Variants in ZMYM2 observed in about 807,000 individuals in gnomAD.
The protein encoded by ZMYM2 is zinc finger MYM-type containing 2.
ZMYM2 carries 56 observed loss-of-function variants against 162.8 expected under a neutral mutation model. The observed-to-expected ratio is 0.34, with a 90% CI of 0.28 to 0.43. The LOEUF is 0.43. ZMYM2 is among the 20% of genes least tolerant of loss of function. The pLI, the probability that ZMYM2 is intolerant of heterozygous loss-of-function variation, is 1.00. For synonymous variants in ZMYM2, 510 were observed against 541.6 expected, an observed-to-expected ratio of 0.94 and a Z score of 0.81; for missense variants, 1,275 against 1,621.8, an observed-to-expected ratio of 0.79 and a Z score of 3.67.
In ZMYM2 at chr13:19,993,547, A is replaced by G; in HGVS notation, c.475A>G (p.Ser159Gly). Reference sequence around the variant, plus strand: ...CAATGATGTGGATTTCTCCACTTCCAGTTTTTCAAGAAGTAAGGTAAATGC... The same window carrying G: ...CAATGATGTGGATTTCTCCACTTCCGGTTTTTCAAGAAGTAAGGTAAATGC... Reference protein sequence around the residue: ...RTNDVDFSTSSFSRSKVNAGM... With the variant: ...RTNDVDFSTSGFSRSKVNAGM... The change falls in exon 3 of 25, where the codon AGT (serine) becomes GGT (glycine). Residue 159 changes from serine to glycine, a missense_variant. Ser to Gly is a moderately conservative substitution (Grantham distance 56). This residue lies in a region of ZMYM2 where 295 missense variants were observed against 286.7 expected (regional missense o/e 1.03). Transcript: ENST00000610343. The G allele has an allele frequency of 6.2e-7, 1 of 1,614,026 alleles. No homozygotes were observed. The highest frequency in any genetic ancestry group is 8.5e-7 in the Non-Finnish European group (1 of 1,179,964).
At chr13:19,951,106 G>T in the ZMYM2 span, among the ~76,000 whole-genome samples, 1 of 152,130 alleles carries the variant, frequency 6.6e-6, no homozygotes, top group Non-Finnish European at 1.5e-5. Flanking sequence ...TCCAGTGTGG[G>T]CCAGGGAAGC....
At chr13:19,965,070 A>G in intron 2 of ZMYM2, 1 of 322,946 alleles carries the variant, frequency 3.1e-6, no homozygotes, top group Non-Finnish European at 5.2e-6. Flanking sequence ...CATGTACCCT[A>G]AAACTTAAAG....
the ZMYM2 span, among the ~76,000 whole-genome samples, chr13:19,940,390 C>A: frequency 6.6e-6 from 1 of 152,172 alleles, no homozygotes; most frequent in Admixed American, 6.5e-5. Context: ...ACAGTTAATT[C>A]AGAGTCTATT....
In ZMYM2 at chr13:20,076,847, T is replaced by C. The variant is rs375511026; in HGVS notation, c.3454-5169T>C. Among the ~76,000 whole-genome samples the C allele has an allele frequency of 1.2e-3, 174 of 150,208 alleles. 2 individuals are homozygous for C. The Middle Eastern group carries it at 0.017, about 15-fold the overall frequency. On this transcript the variant is annotated intron_variant, in intron 21 of 24. Transcript: ENST00000610343. ...AAGATTTATTTTTTATTTTATTTTA[T>C]TTTTTTTGAGACGGAGTTTCACTCT...
At chr13:19,880,973 C>G in the ZMYM2 span, among the ~76,000 whole-genome samples, 1 of 151,718 alleles carries the variant, frequency 6.6e-6, no homozygotes, top group Non-Finnish European at 1.5e-5. Context: ...ACTGCAACGT[C>G]CACCTCCCAG....
chr13:19,884,196 C>T, the ZMYM2 span, among the ~76,000 whole-genome samples: 1 of 152,042 alleles, frequency 6.6e-6, no homozygotes, highest in Non-Finnish European at 1.5e-5. Flanking sequence ...ACCGAGATCC[C>T]CAGCTCTCAA....
the ZMYM2 span, among the ~76,000 whole-genome samples, chr13:19,919,475 G>C: frequency 6.6e-6 from 1 of 152,038 alleles, no homozygotes; most frequent in African/African-American, 2.4e-5. Context: ...CAATAAATGA[G>C]AGATCTATTT....
the ZMYM2 span, among the ~76,000 whole-genome samples, chr13:19,926,223 AG>A: frequency 6.6e-6 from 1 of 151,548 alleles, no homozygotes; most frequent in Non-Finnish European, 1.5e-5. Context: ...GGCCTCCCAA[AG>A]TGCTGTGATT....
chr13:20,050,644 A>T (rs889353440), intron 12 of ZMYM2, among the ~76,000 whole-genome samples: 2 of 152,058 alleles, frequency 1.3e-5, no homozygotes, highest in African/African-American at 2.4e-5. Flanking sequence ...ACGTTAAGAA[A>T]TAGTGAAAAT....
At chr13:20,054,747 T>G (rs59100858) in intron 14 of ZMYM2, among the ~76,000 whole-genome samples, 15,387 of 152,226 alleles carry the variant, frequency 0.1, 1,266 homozygotes, top group African/African-American at 0.22. Flanking sequence ...AAGTGCAACA[T>G]TGAGCAATCC....
chr13:20,065,828 C>T (rs1956632239), intron 19 of ZMYM2, among the ~76,000 whole-genome samples: 1 of 151,978 alleles, frequency 6.6e-6, no homozygotes, highest in South Asian at 2.1e-4. Flanking sequence ...ACCGTGATTA[C>T]AAAACTCTAG....
chr13:19,929,287 G>A, the ZMYM2 span, among the ~76,000 whole-genome samples: 1 of 151,730 alleles, frequency 6.6e-6, no homozygotes, highest in South Asian at 2.1e-4. Flanking sequence ...CGCCCAGGTT[G>A]GAGTGCAGTG....
At chr13:19,975,783 A>G (rs370353293) in intron 2 of ZMYM2, among the ~76,000 whole-genome samples, 17 of 152,234 alleles carry the variant, frequency 1.1e-4, no homozygotes, top group African/African-American at 3.6e-4. Flanking sequence ...CATTTTTACC[A>G]GCAATACAGA....
chr13:20,049,977 G>C (rs1283798898), intron 12 of ZMYM2, among the ~76,000 whole-genome samples: 2 of 151,940 alleles, frequency 1.3e-5, no homozygotes, highest in African/African-American at 2.4e-5. Flanking sequence ...CAATTCTATG[G>C]TTATTTCGAA....
At chr13:19,969,339 A>G (rs185246520) in intron 2 of ZMYM2, among the ~76,000 whole-genome samples, 32 of 152,350 alleles carry the variant, frequency 2.1e-4, no homozygotes, top group Admixed American at 2.0e-3. Context: ...ATAATGTGGT[A>G]TAATGAAAGG....
chr13:19,876,030 T>A, the ZMYM2 span, among the ~76,000 whole-genome samples: 6 of 109,390 alleles, frequency 5.5e-5, no homozygotes, highest in South Asian at 9.7e-4. Context: ...TGTTCTTAAA[T>A]TTTTTTTTTT....
At chr13:20,061,318 T>G (rs1401146070) in intron 17 of ZMYM2, 94 bp downstream of exon 17, 2 of 1,377,698 alleles carry the variant, frequency 1.5e-6, no homozygotes, top group Non-Finnish European at 1.9e-6. Flanking sequence ...TCATTTTGTT[T>G]CAACTTATGT....
intron 2 of ZMYM2, among the ~76,000 whole-genome samples, chr13:19,984,198 T>C (rs1948959679): frequency 6.6e-6 from 1 of 152,240 alleles, no homozygotes; most frequent in Non-Finnish European, 1.5e-5. Context: ...TAATATTTTC[T>C]TGATACAAAT....
intron 18 of ZMYM2, 62 bp from the exon 19 acceptor site, chr13:20,064,389 G>T: frequency 7.0e-7 from 1 of 1,423,320 alleles, no homozygotes; most frequent in Non-Finnish European, 9.6e-7. Context: ...GTTCTTTGTT[G>T]GCTGTGTTTA....
Sources: gnomAD v4.1 joint callset for allele counts (sites outside exome capture counted in the v4.1 genomes callset) on GRCh38, gnomAD v4.1.1 for gene constraint, gnomAD v4.1.1 regional missense constraint, MANE v1.5 for transcripts, NCBI Gene and HGNC (gene_info 2026-07-23, HGNC 2026-07-21) for gene names.